Variants in TECPR2 observed in about 807,000 individuals in gnomAD.
The protein encoded by TECPR2 is tectonin beta-propeller repeat containing 2, also known as tectonin beta-propeller repeat-containing protein 2.
A neutral mutation model predicts 138.1 loss-of-function variants in TECPR2; 65 were observed. The observed-to-expected ratio is 0.47, with a 90% CI of 0.39 to 0.58. The LOEUF is 0.58. Among genes scored for constraint, TECPR2 ranks in the 20% least tolerant of loss-of-function variants. The pLI is 0.00. For synonymous variants in TECPR2, 746 were observed against 749.8 expected, an observed-to-expected ratio of 0.99 and a Z score of 0.08; for missense variants, 1,553 against 1,824.5, an observed-to-expected ratio of 0.85 and a Z score of 2.71.
intron 2 of TECPR2, among the ~76,000 whole-genome samples, chr14:102,406,586 G>A (rs147761060): frequency 2.2e-3 from 335 of 152,166 alleles, no homozygotes; most frequent in African/African-American, 7.0e-3. Context: ...GGGTGCAGTG[G>A]CTCACATCTG....
At chr14:102,432,308 C>T (rs993620426) in intron 8 of TECPR2, among the ~76,000 whole-genome samples, 180 bp downstream of exon 8, 1 of 152,070 alleles carries the variant, frequency 6.6e-6, no homozygotes, top group Non-Finnish European at 1.5e-5. Context: ...TACACACACA[C>T]ACACACACAC....
rs1018352890 is a variant in TECPR2, at chr14:102,415,147, G to A, written c.638+354G>A. ...CCTGGTGAGGGGTCAGGGTTGTGGG[G>A]CTCACTCGTTATTCAGCACGTGTTT... On this transcript the variant is annotated intron_variant, in intron 5 of 19. Coordinates refer to ENST00000359520, the MANE Select transcript of TECPR2 (RefSeq NM_014844.5). The surrounding 1 kb of genome is among the most constrained non-coding windows in gnomAD (Gnocchi z 4.3). Among the ~76,000 whole-genome samples the A allele has an allele frequency of 2.0e-5, 3 of 152,190 alleles. No individual in the cohort carries two copies. Among genetic ancestry groups the A allele is most frequent in the Non-Finnish European group, 4.4e-5 (3 of 68,032 alleles).
chr14:102,448,591 C>T (rs1890051401), intron 13 of TECPR2, among the ~76,000 whole-genome samples: 1 of 152,184 alleles, frequency 6.6e-6, no homozygotes, highest in Non-Finnish European at 1.5e-5. Flanking sequence ...CACAGCCTTG[C>T]ATGGTGGCTC....
At chr14:102,416,417 G>T (rs202212293) in intron 5 of TECPR2, among the ~76,000 whole-genome samples, 1 of 152,024 alleles carries the variant, frequency 6.6e-6, no homozygotes, top group Admixed American at 6.6e-5. Flanking sequence ...CACCACATGC[G>T]GCCTGCTGAA....
At chr14:102,460,801 C>T (rs1309560854) in intron 16 of TECPR2, among the ~76,000 whole-genome samples, 4 of 150,834 alleles carry the variant, frequency 2.7e-5, no homozygotes, top group Non-Finnish European at 5.9e-5. Flanking sequence ...TTCACGCCAT[C>T]CTCCTGCCTC....
At chr14:102,445,683 G>T (rs577130278) in intron 12 of TECPR2, 123 bp from the exon 13 acceptor site, 2 of 1,280,128 alleles carry the variant, frequency 1.6e-6, no homozygotes, top group Non-Finnish European at 2.1e-6. Flanking sequence ...CTGCTGATCC[G>T]CTCCAGGGCC....
intron 2 of TECPR2, among the ~76,000 whole-genome samples, chr14:102,381,064 G>A (rs1019420038): frequency 2.7e-5 from 4 of 150,874 alleles, no homozygotes; most frequent in Non-Finnish European, 4.4e-5. Context: ...GGGTTCAAAC[G>A]ATTCTCCTGC....
At chr14:102,427,028 A>C (rs1012313997) in intron 6 of TECPR2, among the ~76,000 whole-genome samples, 1 of 152,002 alleles carries the variant, frequency 6.6e-6, no homozygotes, top group Non-Finnish European at 1.5e-5. Flanking sequence ...CGACTCTTCT[A>C]GCCTGGTTCT....
chr14:102,467,071 A>G (rs1890561766), intron 17 of TECPR2, among the ~76,000 whole-genome samples: 2 of 152,136 alleles, frequency 1.3e-5, no homozygotes, highest in South Asian at 2.1e-4. Flanking sequence ...TCACCAGTGG[A>G]TGGACATTTG....
chr14:102,440,720 T>C, intron 11 of TECPR2, 111 bp downstream of exon 11: 1 of 1,311,418 alleles, frequency 7.6e-7, no homozygotes, highest in Non-Finnish European at 1.0e-6. Context: ...AGAGGCTAAA[T>C]CCATTCGAAT....
intron 7 of TECPR2, among the ~76,000 whole-genome samples, chr14:102,429,085 G>A (rs1195527590): frequency 6.6e-6 from 1 of 152,130 alleles, no homozygotes; most frequent in Non-Finnish European, 1.5e-5. Context: ...GACCTCAGGC[G>A]ATCCGCCTGC....
chr14:102,469,411 G>A (rs1890615422), intron 17 of TECPR2, among the ~76,000 whole-genome samples: 1 of 152,128 alleles, frequency 6.6e-6, no homozygotes, highest in East Asian at 1.9e-4. Context: ...TTGATCTTGT[G>A]TCTGGCAACC....
rs979510645 is a variant in TECPR2 at position 102,419,886 on chromosome 14, A to G, written c.638+5093A>G. Among the ~76,000 whole-genome samples, 2 of 152,156 alleles carry G rather than the reference A, an allele frequency of 1.3e-5. No homozygotes were observed. The highest frequency in any genetic ancestry group is 2.9e-5 in the Non-Finnish European group (2 of 68,022). On this transcript the variant is annotated intron_variant, in intron 5 of 19. Transcript: ENST00000359520. This position sits in a 1 kb window ranked among gnomAD's most constrained non-coding sequence, Gnocchi z 4.8. Reference sequence around the variant, plus strand: ...CACTTTGCCCTGGGGAAGGAGAAGGAGACGCAGCAATCTGTAGGTGTGGCG... The same window carrying G: ...CACTTTGCCCTGGGGAAGGAGAAGGGGACGCAGCAATCTGTAGGTGTGGCG...
At chr14:102,480,271 C>T (rs2139785552) in intron 17 of TECPR2, among the ~76,000 whole-genome samples, 1 of 151,270 alleles carries the variant, frequency 6.6e-6, no homozygotes, top group East Asian at 1.9e-4. Flanking sequence ...GTCGCCCAGG[C>T]TGGAGTGCAG....
intron 5 of TECPR2, among the ~76,000 whole-genome samples, chr14:102,417,006 CAAAA>C (rs1889042021): frequency 6.6e-6 from 1 of 152,022 alleles, no homozygotes; most frequent in Non-Finnish European, 1.5e-5. Flanking sequence ...AACAAAAAAA[CAAAA>C]AACAAACCTG....
rs1889600217 is a variant in TECPR2 at position 102,434,506 on chromosome 14, A to G, written c.1689A>G (p.Glu563=). The G allele has an allele frequency of 6.4e-7, 1 of 1,562,076 alleles. No individual in the cohort carries two copies. The highest frequency in any genetic ancestry group is 8.7e-7 in the Non-Finnish European group (1 of 1,154,348). The change falls in exon 9 of 20, where the codon GAA becomes GAG. Residue 563 remains glutamate, a synonymous_variant. Coordinates refer to ENST00000359520, the MANE Select transcript of TECPR2 (RefSeq NM_014844.5). ...CAATGCCTGATTCTCTGGCTGAGGA[A>G]GATGACATTAGAACTGAAATGCCAC... ...SGSMPDSLAE[E]DDIRTEMPHC... is the part of the protein sequence containing the mutation.
At chr14:102,483,084 C>G (rs963279026) in intron 17 of TECPR2, among the ~76,000 whole-genome samples, 20 of 151,964 alleles carry the variant, frequency 1.3e-4, no homozygotes, top group African/African-American at 3.1e-4. Context: ...ATCTCCTGAC[C>G]TTATGATCTG....
rs1891437105 is a variant in TECPR2, at chr14:102,501,625, G to A, written c.*3368G>A. 6.6e-6 allele frequency: 1 copy of A among 152,160 alleles called. No homozygotes were observed. The highest frequency in any genetic ancestry group is 2.4e-5 in the African/African-American group (1 of 41,426). The allele number at this position is 152,160 out of a possible 1,614,324, so 9.4% of individuals were successfully genotyped here. A position where few individuals can be genotyped will look rare whatever the true frequency, so the allele number is the denominator to read the frequency against. ...AAGAAGGGAAATAATTGCAACAAAT[G>A]GGAATTGATGTTGAATATTTACCTT... On this transcript the variant is annotated 3_prime_UTR_variant, in exon 20 of 20. Coordinates refer to ENST00000359520, the MANE Select transcript of TECPR2 (RefSeq NM_014844.5).
At chr14:102,398,940 A>G (rs1417277690) in intron 2 of TECPR2, among the ~76,000 whole-genome samples, 1 of 152,110 alleles carries the variant, frequency 6.6e-6, no homozygotes, top group African/African-American at 2.4e-5. Context: ...AGGGACCCCC[A>G]ATAAGATTAT....
Sources: allele counts gnomAD v4.1 joint callset (sites outside exome capture counted in the v4.1 genomes callset), GRCh38; gene constraint gnomAD v4.1.1; non-coding constraint Gnocchi (gnomAD v3.1); transcripts MANE v1.5; gene names NCBI Gene and HGNC (gene_info 2026-07-23, HGNC 2026-07-21).